The following CNNM1 variants were observed in gnomAD, a reference collection of about 807,000 sequenced individuals.
CNNM1 encodes metal transporter CNNM1.
In CNNM1, 44 loss-of-function variants were observed where a neutral mutation model predicts 78.8. That is an observed-to-expected ratio of 0.56 (90% CI 0.44 to 0.72). The LOEUF is 0.72. CNNM1 is among the 30% of genes least tolerant of loss of function. CNNM1 has a pLI of 0.00. For missense variants in CNNM1, 1,101 were observed against 1,292.2 expected, an observed-to-expected ratio of 0.85 and a Z score of 2.27; for synonymous variants, 584 against 581.5, an observed-to-expected ratio of 1.00 and a Z score of -0.06.
At chr10:99,369,960 C>T (rs575671797) in intron 6 of CNNM1, among the ~76,000 whole-genome samples, 8 of 152,276 alleles carry the variant, frequency 5.3e-5, no homozygotes, top group African/African-American at 1.9e-4. Context: ...AGGGGAGATG[C>T]ACATTTTAAA....
At chr10:99,342,739 G>A (rs1414159816) in intron 1 of CNNM1, among the ~76,000 whole-genome samples, 1 of 151,896 alleles carries the variant, frequency 6.6e-6, no homozygotes, top group Non-Finnish European at 1.5e-5. Context: ...TCATTCCAAA[G>A]GAGGCTTTCA....
chr10:99,330,596 C>T lies in CNNM1; in HGVS notation c.1209C>T (p.Ala403=). 6.2e-7 allele frequency: 1 copy of T among 1,612,866 alleles called. No homozygotes were observed. The highest frequency in any genetic ancestry group is 8.5e-7 in the Non-Finnish European group (1 of 1,179,482). Residue 403 remains alanine, a synonymous_variant, in exon 1 of 11, where the codon GCC becomes GCT. Transcript: ENST00000356713. The part of the protein sequence containing the change: ...TREKLLETLR[A]ADPYSDLVKE... ...AGAAGTTGCTGGAGACGTTGCGGGC[C>T]GCAGACCCCTACAGTGACCTGGTGA...
intron 1 of CNNM1, among the ~76,000 whole-genome samples, chr10:99,354,984 G>T (rs148007413): frequency 2.6e-5 from 4 of 152,252 alleles, no homozygotes; most frequent in African/African-American, 9.6e-5. Context: ...AAAAATTAGA[G>T]ACCATTCTTG....
At position 99,365,148 on chromosome 10, in the gene CNNM1, T is replaced by C. The variant is rs941424698; in HGVS notation, c.2176+146T>C. On this transcript the variant is annotated intron_variant, in intron 6 of 10. Coordinates refer to ENST00000356713, the MANE Select transcript of CNNM1 (RefSeq NM_020348.3). ...CTTTGTAATGTTCTGCCAGGAACAC[T>C]GCTTCCTGCCAGGTACCCACAGACC... 5.0e-6 allele frequency: 4 copies of C among 792,780 alleles called. No homozygotes were observed. In the Admixed American group the frequency reaches 8.0e-5, roughly 16 times the overall value. The allele number at this position is 792,780 out of a possible 1,614,324, so 49.1% of individuals were successfully genotyped here.
chr10:99,330,478 T>C lies in CNNM1; in HGVS notation c.1091T>C (p.Leu364Pro). The C allele has an allele frequency of 1.3e-6, 2 of 1,587,348 alleles. No homozygotes were observed. Among genetic ancestry groups the C allele is most frequent in the Non-Finnish European group, 1.7e-6 (2 of 1,167,612 alleles). Residue 364 changes from leucine (L) to proline (P), a missense_variant, in exon 1 of 11, where the codon CTT (leucine) becomes CCT (proline). Physicochemically the swap from Leu to Pro is moderately conservative, Grantham distance 98. This residue lies in a region of CNNM1 where 277 missense variants were observed against 423.2 expected (regional missense o/e 0.65). Coordinates refer to ENST00000356713, the MANE Select transcript of CNNM1 (RefSeq NM_020348.3). ...TCGCACAGCGTGTGCCTGACCCGGC[T>C]TCTGATGGCAGCCGCCTTCCCCGTG... ...IASHSVCLTR[L>P]LMAAAFPVCY...
chr10:99,349,577 TC>T lies in CNNM1; in HGVS notation c.1574-7934del, dbSNP rs542147624. Among the ~76,000 whole-genome samples, 56 of 152,276 alleles carry T rather than the reference TC, an allele frequency of 3.7e-4. No homozygotes were observed. The East Asian group carries it at 0.01, about 27-fold the overall frequency. ...GAAAGCTAAGATGAGAGCCTGAATT[TC>T]TGCTTCCCTCACAAGCTCCCAAGTG... On this transcript the variant is annotated intron_variant, in intron 1 of 10. Coordinates refer to ENST00000356713, the MANE Select transcript of CNNM1 (RefSeq NM_020348.3).
chr10:99,384,110 CT>C (rs1284252340), intron 7 of CNNM1, among the ~76,000 whole-genome samples: 1 of 152,092 alleles, frequency 6.6e-6, no homozygotes, highest in Non-Finnish European at 1.5e-5. Flanking sequence ...TACTAGAAAA[CT>C]TTGAATTACC....
At chr10:99,354,595 T>C (rs548247847) in intron 1 of CNNM1, among the ~76,000 whole-genome samples, 3 of 152,288 alleles carry the variant, frequency 2.0e-5, no homozygotes, top group South Asian at 2.1e-4. Flanking sequence ...TTACAAGAAG[T>C]AGCAATTTGT....
chr10:99,356,627 AAAAG>A (rs528248354), intron 1 of CNNM1, among the ~76,000 whole-genome samples: 3,585 of 136,534 alleles, frequency 0.026, 189 homozygotes, highest in African/African-American at 0.087. Context: ...GAAAGAAAAG[AAAAG>A]AAAGAAAGAA....
At chr10:99,368,629 G>T (rs2031701414) in intron 6 of CNNM1, 1 of 1,289,622 alleles carries the variant, frequency 7.8e-7, no homozygotes, top group Middle Eastern at 2.1e-4. Flanking sequence ...GCCTGTCTCT[G>T]TGTCTCGTAC....
intron 7 of CNNM1, among the ~76,000 whole-genome samples, chr10:99,387,519 A>G (rs1002093368): frequency 6.6e-6 from 1 of 152,200 alleles, no homozygotes; most frequent in African/African-American, 2.4e-5. Context: ...AAACTTCTCC[A>G]TGGGCAACCA....
chr10:99,345,680 G>A (rs558991314), intron 1 of CNNM1, among the ~76,000 whole-genome samples: 2 of 152,246 alleles, frequency 1.3e-5, no homozygotes, highest in East Asian at 3.9e-4. Flanking sequence ...GACCACCCAG[G>A]CAGTCTCCAA....
chr10:99,390,502 G>T (rs1423634614), intron 10 of CNNM1, 95 bp downstream of exon 10: 3 of 856,036 alleles, frequency 3.5e-6, no homozygotes, highest in East Asian at 5.4e-5. Context: ...AGGAGCCATG[G>T]ACTCCTCTTA....
intron 6 of CNNM1, among the ~76,000 whole-genome samples, chr10:99,370,121 C>T (rs1320471080): frequency 1.3e-5 from 2 of 152,182 alleles, no homozygotes; most frequent in Non-Finnish European, 2.9e-5. Flanking sequence ...TCCATGATAA[C>T]CCAATGTCAG....
chr10:99,371,206 T>A (rs1002539632), intron 6 of CNNM1, among the ~76,000 whole-genome samples: 7 of 152,200 alleles, frequency 4.6e-5, no homozygotes, highest in African/African-American at 7.2e-5. Flanking sequence ...AATATTGCCA[T>A]CATTATCCAT....
At chr10:99,337,448 A>G (rs895284617) in intron 1 of CNNM1, among the ~76,000 whole-genome samples, 4 of 152,200 alleles carry the variant, frequency 2.6e-5, no homozygotes, top group Non-Finnish European at 5.9e-5. Context: ...GCACTGTGCT[A>G]TTCTTGCCTT....
rs1589903801 is a variant in CNNM1, at chr10:99,360,925, T to G, written c.1808T>G (p.Val603Gly). 7 of 1,612,908 alleles carry G rather than the reference T, an allele frequency of 4.3e-6. No individual in the cohort carries two copies. Among genetic ancestry groups the G allele is most frequent in the Non-Finnish European group, 5.9e-6 (7 of 1,179,034 alleles). The change falls in exon 3 of 11, where the codon GTG becomes GGG. Residue 603 changes from valine to glycine, a missense_variant. Coordinates refer to ENST00000356713, the MANE Select transcript of CNNM1 (RefSeq NM_020348.3). ...AAGCTTTCGGACACGGAGATGCGGG[T>G]GAAGATCTCACCACAGCTTCTGCTA... is the stretch of plus-strand genomic sequence containing the variant. Reference protein sequence around the residue: ...LFKLSDTEMRVKISPQLLLAT... With the variant: ...LFKLSDTEMRGKISPQLLLAT...
In CNNM1 at chr10:99,357,574, G is replaced by C; in HGVS notation, c.1636G>C (p.Glu546Gln). 1 of 1,613,762 alleles carries C rather than the reference G, an allele frequency of 6.2e-7. No individual in the cohort carries two copies. Among genetic ancestry groups the C allele is most frequent in the Non-Finnish European group, 8.5e-7 (1 of 1,179,730 alleles). The change falls in exon 2 of 11, where the codon GAG (glutamate) becomes CAG (glutamine). Residue 546 changes from glutamate to glutamine, a missense_variant. Transcript: ENST00000356713. Reference protein sequence around the residue: ...NNEGEGDPFYEVMGIVTLEDI... With the variant: ...NNEGEGDPFYQVMGIVTLEDI... ...TGAGGGAGAAGGGGACCCTTTCTATGAGGTGATGGGCATTGTCACGCTGGA... is the reference window on the plus strand; with the variant it reads ...TGAGGGAGAAGGGGACCCTTTCTATCAGGTGATGGGCATTGTCACGCTGGA...
chr10:99,365,176 G>C (rs1265230387), intron 6 of CNNM1, 174 bp downstream of exon 6: 1 of 706,804 alleles, frequency 1.4e-6, no homozygotes, highest in Non-Finnish European at 2.6e-6. Context: ...CACAGACCAT[G>C]GGAGCTTAGG....
Sources: allele counts gnomAD v4.1 joint callset (sites outside exome capture counted in the v4.1 genomes callset), GRCh38; gene constraint gnomAD v4.1.1; regional missense constraint gnomAD v4.1.1; transcripts MANE v1.5; gene names NCBI Gene and HGNC (gene_info 2026-07-23, HGNC 2026-07-21).